The following SLC17A4 variants were observed in gnomAD, a reference collection of about 807,000 sequenced individuals.
SLC17A4 encodes solute carrier family 17 member 4, also known as probable small intestine urate exporter.
SLC17A4 carries 33 observed loss-of-function variants against 52.5 expected under a neutral mutation model. That is an observed-to-expected ratio of 0.63 (90% CI 0.48 to 0.84). The LOEUF (loss-of-function observed/expected upper bound fraction) is 0.84. SLC17A4 is among the 40% of genes least tolerant of loss of function. The probability of loss-of-function intolerance (pLI) is 0.00; values close to 1 mark genes in which losing one functional copy is unlikely to be tolerated. For synonymous variants in SLC17A4, 225 were observed against 216.2 expected (o/e 1.04, Z -0.36); for missense variants, 585 against 597.1 (o/e 0.98, Z 0.21).
intron 2 of SLC17A4, among the ~76,000 whole-genome samples, chr6:25,763,168 T>C (rs1362678625): frequency 6.6e-6 from 1 of 152,208 alleles, no homozygotes; most frequent in Non-Finnish European, 1.5e-5. Context: ...GTTCCTTCTA[T>C]AGTCTCCTAC....
chr6:25,761,907 T>C lies in SLC17A4; in HGVS notation c.-36-20T>C. The stretch of plus-strand genomic sequence containing the variant: ...TATAAGATTCTCCCTGTATTTTCTT[T>C]TGTATTCTTTTTATTTCAGTAAGTA... On this transcript the variant is annotated intron_variant, in intron 1 of 11. Coordinates refer to ENST00000377905, the MANE Select transcript of SLC17A4 (RefSeq NM_005495.3). 7.0e-7 allele frequency: 1 copy of C among 1,418,586 alleles called. No individual in the cohort carries two copies. Among genetic ancestry groups the C allele is most frequent in the Non-Finnish European group, 9.9e-7 (1 of 1,011,894 alleles). The allele number at this position is 1,418,586 out of a possible 1,614,324, so 87.9% of individuals were successfully genotyped here. A position where few individuals can be genotyped will look rare whatever the true frequency, so the allele number is the denominator to read the frequency against.
At chr6:25,762,890 G>T (rs1400148065) in intron 2 of SLC17A4, among the ~76,000 whole-genome samples, 1 of 152,078 alleles carries the variant, frequency 6.6e-6, no homozygotes, top group African/African-American at 2.4e-5. Flanking sequence ...TATACCATTG[G>T]CCAAATTCTT....
intron 1 of SLC17A4, among the ~76,000 whole-genome samples, chr6:25,761,586 A>T (rs1761536270): frequency 1.3e-5 from 2 of 152,340 alleles, no homozygotes; most frequent in South Asian, 4.2e-4. Context: ...CTCCTAGATG[A>T]AATTTCAAAT....
chr6:25,759,918 T>C (rs1349042567), intron 1 of SLC17A4, among the ~76,000 whole-genome samples: 1 of 152,228 alleles, frequency 6.6e-6, no homozygotes, highest in Non-Finnish European at 1.5e-5. Context: ...TATTAAATAA[T>C]CATTAGTTAG....
chr6:25,780,487 GAAGA>G lies in SLC17A4; in HGVS notation c.*1305_*1308del, dbSNP rs1763240536. On this transcript the variant is annotated 3_prime_UTR_variant, in exon 12 of 12. Coordinates refer to ENST00000377905, the MANE Select transcript of SLC17A4 (RefSeq NM_005495.3). Reference sequence around the variant, plus strand: ...GGAGACTGAGAGGAGAATATTTTAGGAAGAAAGAACAGCATAAGCAAAAGTTTCA... The same window carrying G: ...GGAGACTGAGAGGAGAATATTTTAGGAAGAACAGCATAAGCAAAAGTTTCA... 1 of 152,196 alleles carries G rather than the reference GAAGA, an allele frequency of 6.6e-6. No individual in the cohort carries two copies. The highest frequency in any genetic ancestry group is 2.4e-5 in the African/African-American group (1 of 41,446). The allele number at this position is 152,196 out of a possible 1,614,324, so 9.4% of individuals were successfully genotyped here. A position where few individuals can be genotyped will look rare whatever the true frequency, so the allele number is the denominator to read the frequency against.
rs770791596 is a variant in SLC17A4 at position 25,769,169 on chromosome 6, T to C, written c.276T>C (p.Thr92=). ...STDSQGYWNE[T]LKEFKAMAPA... is the part of the protein sequence containing the mutation. ...ACTCCCAGGGCTACTGGAATGAAAC[T>C]CTAAAAGAATTTAAAGCAATGGTAA... Residue 92 remains threonine (T), a synonymous_variant, in exon 3 of 12, where the codon ACT becomes ACC. Transcript: ENST00000377905. The C allele has an allele frequency of 5.0e-6, 8 of 1,613,888 alleles. 1 individual carries two copies. Among genetic ancestry groups the C allele is most frequent in the South Asian group, 3.3e-5 (3 of 91,054 alleles).
Position 25,776,746 on chromosome 6 carries a change from A to G in SLC17A4, c.1120+19A>G, listed in dbSNP as rs1762953123. 6.2e-7 allele frequency: 1 copy of G among 1,613,856 alleles called. No homozygotes were observed. Among genetic ancestry groups the G allele is most frequent in the South Asian group, 1.1e-5 (1 of 91,074 alleles). On this transcript the variant is annotated intron_variant, in intron 9 of 11. Transcript: ENST00000377905. ...GCCATTGGTAAGGGAGAGACTGGACACAGGGGTGAACGTGGGAAGCTCAGA... is the reference window on the plus strand; with the variant it reads ...GCCATTGGTAAGGGAGAGACTGGACGCAGGGGTGAACGTGGGAAGCTCAGA...
chr6:25,778,938 T>C lies in SLC17A4; in HGVS notation c.1360-116T>C, dbSNP rs186111273. Reference sequence around the variant, plus strand: ...ATTCTAGGACCAACTGGGAAGCCCATGGAAGCCAGAGTGGAGGTCGGGGAG... The same window carrying C: ...ATTCTAGGACCAACTGGGAAGCCCACGGAAGCCAGAGTGGAGGTCGGGGAG... On this transcript the variant is annotated intron_variant, in intron 11 of 11. Coordinates refer to ENST00000377905, the MANE Select transcript of SLC17A4 (RefSeq NM_005495.3). 6.7e-6 allele frequency: 9 copies of C among 1,352,348 alleles called. No individual in the cohort carries two copies. The Admixed American group carries it at 1.6e-4, about 24-fold the overall frequency. 83.8% of individuals were successfully genotyped at this position (1,352,348 alleles called of 1,614,324 possible). A position where few individuals can be genotyped will look rare whatever the true frequency, so the allele number is the denominator to read the frequency against.
At chr6:25,769,287 C>A in intron 3 of SLC17A4, 97 bp downstream of exon 3, 1 of 1,137,254 alleles carries the variant, frequency 8.8e-7, no homozygotes, top group Non-Finnish European at 1.3e-6. Context: ...TAAGTATTTA[C>A]TGAACATGTA....
chr6:25,765,016 C>T (rs964123572), intron 2 of SLC17A4, among the ~76,000 whole-genome samples: 1 of 152,190 alleles, frequency 6.6e-6, no homozygotes, highest in African/African-American at 2.4e-5. Context: ...CACCCACATA[C>T]ACCACCACAT....
rs142792985 is a variant in SLC17A4 at position 25,762,548 on chromosome 6, C to T, written c.91+495C>T. ...GGAAACTGTAGAACATCTTATTTTA[C>T]CCTAAATGCTTAATGAGTTATAACT... is the stretch of plus-strand genomic sequence containing the variant. On this transcript the variant is annotated intron_variant, in intron 2 of 11. Coordinates refer to ENST00000377905, the MANE Select transcript of SLC17A4 (RefSeq NM_005495.3). 1.3e-3 allele frequency among the ~76,000 whole-genome samples: 192 copies of T among 152,218 alleles called. 3 individuals carry two copies. In the East Asian group the frequency reaches 0.029, roughly 23 times the overall value.
chr6:25,765,363 C>A (rs1582676033), intron 2 of SLC17A4, among the ~76,000 whole-genome samples: 2 of 152,258 alleles, frequency 1.3e-5, no homozygotes, highest in Admixed American at 1.3e-4. Context: ...TAGCATCATC[C>A]CCATTTTGTA....
intron 11 of SLC17A4, 28 bp from the exon 12 acceptor site, chr6:25,779,026 T>C: frequency 3.1e-6 from 5 of 1,612,704 alleles, no homozygotes; most frequent in Non-Finnish European, 4.2e-6. Context: ...TGGGTGACCG[T>C]TAATAACTTG....
intron 2 of SLC17A4, among the ~76,000 whole-genome samples, chr6:25,762,843 T>A (rs916039161): frequency 6.6e-6 from 1 of 152,126 alleles, no homozygotes; most frequent in African/African-American, 2.4e-5. Flanking sequence ...CGGCTGAAGG[T>A]CTCATCTGTT....
Position 25,773,510 on chromosome 6 carries a change from C to T in SLC17A4, c.826-3C>T. 1 of 1,613,652 alleles carries T rather than the reference C, an allele frequency of 6.2e-7. No homozygotes were observed. Among genetic ancestry groups the T allele is most frequent in the South Asian group, 1.1e-5 (1 of 91,026 alleles). The stretch of plus-strand genomic sequence containing the variant: ...GGGGACATTGATGTGTGCTTTCTTC[C>T]AGGACTGTTCACCAGGCTGGTCTCT... On this transcript the variant is annotated splice_region_variant and splice_polypyrimidine_tract_variant and intron_variant, in intron 7 of 11. Transcript: ENST00000377905.
rs34517537 is a variant in SLC17A4, at chr6:25,769,131, C to T, written c.238C>T (p.Arg80Trp). 1,599 of 1,614,024 alleles carry T rather than the reference C, an allele frequency of 9.9e-4. 11 individuals are homozygous for T. In the African/African-American group the frequency reaches 0.019, roughly 19 times the overall value. The change falls in exon 3 of 12, where the codon CGG (arginine) becomes TGG (tryptophan). Residue 80 changes from arginine to tryptophan, a missense_variant. Transcript: ENST00000377905. ...TAGCCAGCCCAATGCTTCCACAGAACGGCCCTCCACTGACTCCCAGGGCTA... is the reference window on the plus strand; with the variant it reads ...TAGCCAGCCCAATGCTTCCACAGAATGGCCCTCCACTGACTCCCAGGGCTA... Reference protein sequence around the residue: ...PPSQPNASTERPSTDSQGYWN... With the variant: ...PPSQPNASTEWPSTDSQGYWN...
chr6:25,757,867 AG>A (rs1459268895), intron 1 of SLC17A4, among the ~76,000 whole-genome samples: 1 of 152,178 alleles, frequency 6.6e-6, no homozygotes. Context: ...CTCAGCAGTT[AG>A]GGTTCCTTTC....
intron 8 of SLC17A4, among the ~76,000 whole-genome samples, chr6:25,775,247 G>A (rs775531338): frequency 4.0e-5 from 6 of 151,570 alleles, no homozygotes; most frequent in Admixed American, 2.0e-4. Context: ...CATGAGAATC[G>A]CTTGAGCTGG....
At chr6:25,756,331 CCTT>C (rs1479532547) in intron 1 of SLC17A4, among the ~76,000 whole-genome samples, 3 of 152,192 alleles carry the variant, frequency 2.0e-5, no homozygotes, top group East Asian at 1.9e-4. Context: ...AGCGCTGTCT[CCTT>C]CTCAGTGTTC....
Sources: gnomAD v4.1 joint callset for allele counts (sites outside exome capture counted in the v4.1 genomes callset) on GRCh38, gnomAD v4.1.1 for gene constraint, MANE v1.5 for transcripts, NCBI Gene and HGNC (gene_info 2026-07-23, HGNC 2026-07-21) for gene names.